Variants in RMST observed in about 807,000 individuals in gnomAD.
The protein encoded by RMST is rhabdomyosarcoma 2 associated transcript, also known as long intergenic non-protein coding RNA 54.
intron 10 of RMST, among the ~76,000 whole-genome samples, chr12:97,522,309 CTAATAGTAAA>C (rs1880594325): frequency 6.6e-6 from 1 of 152,164 alleles, no homozygotes; most frequent in Non-Finnish European, 1.5e-5. Flanking sequence ...TTATTACTTC[CTAATAGTAAA>C]TAACTGGGTG....
chr12:97,525,882 C>T (rs925119003), intron 10 of RMST, among the ~76,000 whole-genome samples: 4 of 152,120 alleles, frequency 2.6e-5, no homozygotes, highest in Non-Finnish European at 1.5e-5. Context: ...ACAACCTGAG[C>T]TTCGCCTCCT....
At chr12:97,493,522 A>T (rs1609686) in intron 7 of RMST, among the ~76,000 whole-genome samples, 2 of 152,042 alleles carry the variant, frequency 1.3e-5, no homozygotes, top group African/African-American at 4.8e-5. Context: ...AAAATAAACC[A>T]CCAAAAATGG....
At position 97,539,716 on chromosome 12, in the gene RMST, C is replaced by T. The variant is rs184630747; in HGVS notation, n.1545+8857C>T. On this transcript the variant is annotated intron_variant and non_coding_transcript_variant, in intron 11 of 13. Transcript: ENST00000640149. ...ACACATGAGCATTTCTACATTTTAA[C>T]TTTAAAATGGGAAAACAGGTCAGTG... Among the ~76,000 whole-genome samples, 755 of 151,728 alleles carry T rather than the reference C, an allele frequency of 5.0e-3. 8 individuals are homozygous for T. The highest frequency in any genetic ancestry group is 0.016 in the African/African-American group (664 of 41,478).
At chr12:97,544,476 T>G (rs982738186) in intron 11 of RMST, among the ~76,000 whole-genome samples, 7 of 151,968 alleles carry the variant, frequency 4.6e-5, no homozygotes, top group African/African-American at 1.7e-4. Context: ...GACACATAGG[T>G]AATCAGAGAG....
Position 97,476,250 on chromosome 12 carries a change from A to T in RMST, n.644+10523A>T, listed in dbSNP as rs145038325. On this transcript the variant is annotated intron_variant and non_coding_transcript_variant, in intron 5 of 13. Transcript: ENST00000640149. The stretch of plus-strand genomic sequence containing the variant: ...GATTATATGACTCTTGATAAAGAAT[A>T]AAAAAAAGAGAATGATTTACTGGGA... Among the ~76,000 whole-genome samples, 29 of 152,126 alleles carry T rather than the reference A, an allele frequency of 1.9e-4. 1 individual carries two copies. In the East Asian group the frequency reaches 3.3e-3, roughly 17 times the overall value.
intron 5 of RMST, among the ~76,000 whole-genome samples, chr12:97,467,897 T>C (rs1200614043): frequency 6.6e-6 from 1 of 152,032 alleles, no homozygotes; most frequent in East Asian, 1.9e-4. Context: ...GGTATGTTCA[T>C]GGGATTGATA....
chr12:97,467,850 A>G (rs1457304224), intron 5 of RMST, among the ~76,000 whole-genome samples: 2 of 152,032 alleles, frequency 1.3e-5, no homozygotes, highest in Non-Finnish European at 1.5e-5. Flanking sequence ...TTCATTAGAA[A>G]TTGTGTATGA....
chr12:97,545,812 A>G (rs1882885509), intron 11 of RMST, among the ~76,000 whole-genome samples: 1 of 152,150 alleles, frequency 6.6e-6, no homozygotes, highest in Non-Finnish European at 1.5e-5. Flanking sequence ...CAGGTTACCT[A>G]TGACTCCACG....
At chr12:97,470,207 A>C (rs1873736197) in intron 5 of RMST, among the ~76,000 whole-genome samples, 2 of 152,120 alleles carry the variant, frequency 1.3e-5, no homozygotes, top group Admixed American at 1.3e-4. Context: ...CAGTTGCAAC[A>C]ACTAAGATGA....
chr12:97,476,049 T>C (rs1264851363), intron 5 of RMST, among the ~76,000 whole-genome samples: 1 of 152,164 alleles, frequency 6.6e-6, no homozygotes, highest in African/African-American at 2.4e-5. Flanking sequence ...GGTGCTCTCA[T>C]CTTGATGAGC....
intron 11 of RMST, among the ~76,000 whole-genome samples, chr12:97,551,440 G>T (rs2136650016): frequency 6.6e-6 from 1 of 152,276 alleles, no homozygotes; most frequent in South Asian, 2.1e-4. Context: ...TGAGGTGAAG[G>T]ATAAATAGAG....
intron 10 of RMST, among the ~76,000 whole-genome samples, chr12:97,508,965 C>T (rs1878994689): frequency 1.3e-5 from 2 of 152,190 alleles, no homozygotes; most frequent in African/African-American, 4.8e-5. Context: ...CAGAAATCAG[C>T]TTCTCTTTTT....
At chr12:97,475,868 A>C (rs1384957170) in intron 5 of RMST, among the ~76,000 whole-genome samples, 1 of 152,180 alleles carries the variant, frequency 6.6e-6, no homozygotes, top group African/African-American at 2.4e-5. Flanking sequence ...CTTGGTTATG[A>C]TATTAGAGAT....
At chr12:97,496,419 T>A (rs1047531317) in intron 10 of RMST, among the ~76,000 whole-genome samples, 3 of 152,158 alleles carry the variant, frequency 2.0e-5, no homozygotes, top group Non-Finnish European at 4.4e-5. Flanking sequence ...TCCCATTAAA[T>A]ATACATGTTT....
intron 11 of RMST, among the ~76,000 whole-genome samples, chr12:97,552,766 A>G (rs571647484): frequency 3.2e-4 from 49 of 152,326 alleles, no homozygotes; most frequent in Non-Finnish European, 5.6e-4. Context: ...TTCTGTAAGA[A>G]ATGCAACCCA....
At chr12:97,549,404 T>C (rs1414933640) in intron 11 of RMST, among the ~76,000 whole-genome samples, 4 of 152,226 alleles carry the variant, frequency 2.6e-5, no homozygotes, top group Non-Finnish European at 5.9e-5. Flanking sequence ...AAAGTAGCTT[T>C]TGGTTTATTT....
intron 11 of RMST, among the ~76,000 whole-genome samples, chr12:97,531,586 T>G (rs59066241): frequency 0.17 from 25,666 of 151,954 alleles, 2,513 homozygotes; most frequent in East Asian, 0.36. Flanking sequence ...CCTGTGTGTA[T>G]GTGGCTGTGC....
intron 5 of RMST, among the ~76,000 whole-genome samples, chr12:97,471,213 T>C (rs1231717714): frequency 6.6e-6 from 1 of 152,114 alleles, no homozygotes; most frequent in Non-Finnish European, 1.5e-5. Flanking sequence ...TAGATATAAA[T>C]ATAGATAGGG....
intron 13 of RMST, chr12:97,563,314 T>C (rs1884271476): frequency 6.0e-6 from 1 of 167,838 alleles, no homozygotes; most frequent in Non-Finnish European, 1.3e-5. Context: ...TATTTAGGTG[T>C]AGAGAAAGCT....
Sources: allele counts gnomAD v4.1 joint callset (sites outside exome capture counted in the v4.1 genomes callset), GRCh38; gene constraint gnomAD v4.1.1; transcripts MANE v1.5; gene names NCBI Gene and HGNC (gene_info 2026-07-23, HGNC 2026-07-21).